AP3S1: variants seen among roughly 807,000 people sequenced by gnomAD.
AP3S1 encodes adaptor related protein complex 3 subunit sigma 1.
AP3S1 carries 12 observed loss-of-function variants against 21.3 expected under a neutral mutation model. That is an observed-to-expected ratio of 0.56 (90% CI 0.36 to 0.91). The LOEUF (loss-of-function observed/expected upper bound fraction) is 0.91. Among genes scored for constraint, AP3S1 ranks in the 40% least tolerant of loss-of-function variants. The pLI is 0.01. For missense variants in AP3S1, 116 were observed against 225.0 expected, an observed-to-expected ratio of 0.52 and a Z score of 3.10; for synonymous variants, 48 against 78.4, an observed-to-expected ratio of 0.61 and a Z score of 2.05.
intron 3 of AP3S1, among the ~76,000 whole-genome samples, chr5:115,881,934 T>A (rs1166971736): frequency 6.6e-6 from 1 of 151,942 alleles, no homozygotes; most frequent in Admixed American, 6.6e-5. Context: ...GTCTCCAAGC[T>A]TTATTTCATT....
At chr5:115,865,460 T>A (rs77561915) in intron 1 of AP3S1, among the ~76,000 whole-genome samples, 2 of 152,132 alleles carry the variant, frequency 1.3e-5, no homozygotes, top group East Asian at 3.9e-4. Flanking sequence ...TTGTTTTTGA[T>A]CTTCAAAAAC....
intron 3 of AP3S1, among the ~76,000 whole-genome samples, chr5:115,883,934 C>T (rs1749535248): frequency 6.6e-6 from 1 of 152,002 alleles, no homozygotes; most frequent in South Asian, 2.1e-4. Flanking sequence ...ATTCATAAAC[C>T]CGGTTCTTTC....
At chr5:115,874,196 G>A (rs1748511730) in intron 3 of AP3S1, among the ~76,000 whole-genome samples, 1 of 152,034 alleles carries the variant, frequency 6.6e-6, no homozygotes, top group East Asian at 1.9e-4. Context: ...TTGGAAAAAA[G>A]GGGTGGACTT....
At chr5:115,875,557 T>C (rs761775415) in intron 3 of AP3S1, among the ~76,000 whole-genome samples, 2 of 152,124 alleles carry the variant, frequency 1.3e-5, no homozygotes, top group Admixed American at 6.6e-5. Flanking sequence ...ACTTGGAAAT[T>C]GTGGGAATTT....
intron 1 of AP3S1, among the ~76,000 whole-genome samples, chr5:115,864,990 T>C (rs1392732891): frequency 6.6e-6 from 1 of 152,088 alleles, no homozygotes; most frequent in Non-Finnish European, 1.5e-5. Flanking sequence ...GGAACAAGGA[T>C]TAGTACTGTA....
At chr5:115,895,988 T>C (rs559145773) in intron 4 of AP3S1, among the ~76,000 whole-genome samples, 1 of 152,318 alleles carries the variant, frequency 6.6e-6, no homozygotes, top group Non-Finnish European at 1.5e-5. Context: ...GATTCCACTT[T>C]CACTATGTGC....
chr5:115,842,903 T>C (rs1761734892), intron 1 of AP3S1, among the ~76,000 whole-genome samples: 1 of 152,256 alleles, frequency 6.6e-6, no homozygotes, highest in Non-Finnish European at 1.5e-5. Context: ...AGCTTCTGGT[T>C]TGGCATTTTT....
Position 115,895,131 on chromosome 5 carries a change from G to C in AP3S1, c.318G>C (p.Glu106Asp). ...ACAAATGTTTTGAAAATGTCTGTGA[G>C]CTGGATTTGATTTTCCATGTAGACA... is the stretch of plus-strand genomic sequence containing the variant. Reference protein sequence around the residue: ...TLDKCFENVCELDLIFHVDKV... With the variant: ...TLDKCFENVCDLDLIFHVDKV... The change falls in exon 4 of 6, where the codon GAG (glutamate) becomes GAC (aspartate). Residue 106 changes from glutamate to aspartate, a missense_variant. Around this residue, in one of 3 missense-constraint regions of AP3S1, gnomAD observed 65 missense variants for 148.2 expected, o/e 0.44. Transcript: ENST00000316788. The C allele has an allele frequency of 6.2e-7, 1 of 1,605,628 alleles. No homozygotes were observed. The highest frequency in any genetic ancestry group is 8.5e-7 in the Non-Finnish European group (1 of 1,175,862).
chr5:115,852,812 C>A (rs981288060), intron 1 of AP3S1, among the ~76,000 whole-genome samples: 1 of 152,064 alleles, frequency 6.6e-6, no homozygotes, highest in African/African-American at 2.4e-5. Flanking sequence ...CTTTTTATAG[C>A]TAAATAATAT....
At chr5:115,879,783 C>T (rs1306548436) in intron 3 of AP3S1, among the ~76,000 whole-genome samples, 1 of 152,038 alleles carries the variant, frequency 6.6e-6, no homozygotes, top group Non-Finnish European at 1.5e-5. Flanking sequence ...GGAATGATAC[C>T]ATCTCCTCTT....
At chr5:115,880,027 G>T (rs1458057447) in intron 3 of AP3S1, among the ~76,000 whole-genome samples, 1 of 152,102 alleles carries the variant, frequency 6.6e-6, no homozygotes, top group East Asian at 1.9e-4. Flanking sequence ...ATGGTAGTTT[G>T]TATTTCTGTG....
intron 3 of AP3S1, among the ~76,000 whole-genome samples, chr5:115,886,476 G>T (rs952271415): frequency 6.6e-6 from 1 of 152,076 alleles, no homozygotes; most frequent in Non-Finnish European, 1.5e-5. Flanking sequence ...TAAATGAAGA[G>T]TAAATATATG....
intron 5 of AP3S1, among the ~76,000 whole-genome samples, chr5:115,912,995 T>C (rs528407400): frequency 1.2e-4 from 19 of 152,168 alleles, no homozygotes; most frequent in Non-Finnish European, 2.2e-4. Context: ...ATCACAATCG[T>C]TGCAAGAGAT....
intron 1 of AP3S1, among the ~76,000 whole-genome samples, chr5:115,857,502 G>A (rs929441451): frequency 9.2e-5 from 14 of 152,156 alleles, no homozygotes; most frequent in Non-Finnish European, 2.1e-4. Flanking sequence ...TCTGGTTGCA[G>A]ATTATTTACT....
intron 1 of AP3S1, among the ~76,000 whole-genome samples, chr5:115,856,147 A>G (rs1409269691): frequency 1.3e-5 from 2 of 152,158 alleles, no homozygotes; most frequent in East Asian, 3.8e-4. Context: ...GTGAAACTAT[A>G]GTGTTAGGAA....
chr5:115,851,038 G>C (rs1320580730), intron 1 of AP3S1, among the ~76,000 whole-genome samples: 1 of 152,136 alleles, frequency 6.6e-6, no homozygotes, highest in East Asian at 1.9e-4. Flanking sequence ...AGCATTATTA[G>C]GTTATTTTCT....
At chr5:115,899,769 TGAA>T (rs915160702) in intron 4 of AP3S1, among the ~76,000 whole-genome samples, 10 of 151,908 alleles carry the variant, frequency 6.6e-5, no homozygotes, top group African/African-American at 2.4e-4. Flanking sequence ...ATAGAAAACA[TGAA>T]GAAGAAGAAA....
At chr5:115,898,669 G>C (rs560929374) in intron 4 of AP3S1, 1 of 152,350 alleles carries the variant, frequency 6.6e-6, no homozygotes, top group East Asian at 1.9e-4. Context: ...GGAGCATCCA[G>C]ACCTTCTTAA....
intron 2 of AP3S1, among the ~76,000 whole-genome samples, chr5:115,867,480 A>T (rs561608720): frequency 1.3e-5 from 2 of 152,316 alleles, no homozygotes; most frequent in South Asian, 4.1e-4. Flanking sequence ...AACATAAATC[A>T]GTCAGAGAAA....
Sources: allele counts gnomAD v4.1 joint callset (sites outside exome capture counted in the v4.1 genomes callset), GRCh38; gene constraint gnomAD v4.1.1; regional missense constraint gnomAD v4.1.1; transcripts MANE v1.5; gene names NCBI Gene and HGNC (gene_info 2026-07-23, HGNC 2026-07-21).